DDHD1: variants seen among roughly 807,000 people sequenced by gnomAD.
DDHD1 encodes phospholipase DDHD1.
In DDHD1, 49 loss-of-function variants were observed where a neutral mutation model predicts 96.4. The observed-to-expected ratio is 0.51, with a 90% CI of 0.40 to 0.64. DDHD1 has a LOEUF of 0.64. Among genes scored for constraint, DDHD1 ranks in the 30% least tolerant of loss-of-function variants. The pLI is 0.00. For missense variants in DDHD1, 1,106 were observed against 1,161.2 expected, an observed-to-expected ratio of 0.95 and a Z score of 0.69; for synonymous variants, 442 against 446.5, an observed-to-expected ratio of 0.99 and a Z score of 0.13.
chr14:53,050,538 A>G (rs1283253482), intron 12 of DDHD1, among the ~76,000 whole-genome samples: 1 of 152,068 alleles, frequency 6.6e-6, no homozygotes, highest in East Asian at 1.9e-4. Context: ...GCGGTTCGTC[A>G]CATTCTACCA....
chr14:53,103,572 T>A, intron 2 of DDHD1, 111 bp downstream of exon 2: 1 of 902,600 alleles, frequency 1.1e-6, no homozygotes, highest in South Asian at 2.5e-5. Context: ...AAAATCAAAT[T>A]TTCTAATTCT....
chr14:53,041,768 T>G lies in DDHD1; in HGVS notation c.*5000A>C, dbSNP rs1881669800. On this transcript the variant is annotated 3_prime_UTR_variant, in exon 13 of 13. Transcript: ENST00000673822. ...CTGTCCAGACCTGATAGGGTACTCT[T>G]ATGAGAGTCTGGAAGAAAGAAGGGA... 6.6e-6 allele frequency: 1 copy of G among 152,128 alleles called. No homozygotes were observed. The highest frequency in any genetic ancestry group is 6.6e-5 in the Admixed American group (1 of 15,264). The allele number at this position is 152,128 out of a possible 1,614,324, so 9.4% of individuals were successfully genotyped here.
Position 53,152,703 on chromosome 14 carries a change from GCCC to G in DDHD1, c.393_395del (p.Gly134del). The stretch of plus-strand genomic sequence containing the variant: ...CGGGGGACCCTCCTGTCGCGCCGCC[GCCC>G]CCCGAGTTCGTCGGGACCAGCGGAG... On this transcript the variant is annotated inframe_deletion, in exon 1 of 13. Coordinates refer to ENST00000673822, the MANE Select transcript of DDHD1 (RefSeq NM_001160148.2). 1 of 1,610,670 alleles carries G rather than the reference GCCC, an allele frequency of 6.2e-7. No individual in the cohort carries two copies. Among genetic ancestry groups the G allele is most frequent in the Non-Finnish European group, 8.5e-7 (1 of 1,178,890 alleles).
At chr14:53,126,057 G>T (rs1425171917) in intron 1 of DDHD1, among the ~76,000 whole-genome samples, 1 of 151,952 alleles carries the variant, frequency 6.6e-6, no homozygotes, top group Non-Finnish European at 1.5e-5. Flanking sequence ...CTGAAGATAG[G>T]GTCCAGAAAT....
chr14:53,090,857 A>T (rs976461002), intron 4 of DDHD1, among the ~76,000 whole-genome samples: 2 of 152,114 alleles, frequency 1.3e-5, no homozygotes, highest in African/African-American at 2.4e-5. Flanking sequence ...TGTACCCTAG[A>T]ACTTAAAGTA....
intron 4 of DDHD1, among the ~76,000 whole-genome samples, chr14:53,082,943 T>C (rs1885614130): frequency 6.6e-6 from 1 of 152,036 alleles, no homozygotes; most frequent in Non-Finnish European, 1.5e-5. Context: ...AGCATGCACC[T>C]TTTGTGTGGA....
intron 1 of DDHD1, among the ~76,000 whole-genome samples, chr14:53,132,545 C>T (rs575326718): frequency 5.9e-5 from 9 of 152,240 alleles, no homozygotes; most frequent in Admixed American, 1.3e-4. Context: ...CTCAGCAAGC[C>T]GAACTCACTG....
chr14:53,138,431 A>G (rs1330679786), intron 1 of DDHD1, among the ~76,000 whole-genome samples: 1 of 152,220 alleles, frequency 6.6e-6, no homozygotes, highest in African/African-American at 2.4e-5. Context: ...TCTGTCTCAA[A>G]AAAGAAAAAA....
intron 3 of DDHD1, chr14:53,092,830 C>T (rs1209470640): frequency 6.6e-6 from 1 of 152,516 alleles, no homozygotes; most frequent in Non-Finnish European, 1.5e-5. Context: ...GCCTGGGAGA[C>T]AGAGTGAGAC....
chr14:53,139,828 A>G (rs909010335), intron 1 of DDHD1, among the ~76,000 whole-genome samples: 27 of 141,642 alleles, frequency 1.9e-4, no homozygotes, highest in African/African-American at 7.2e-4. Flanking sequence ...AAACCAACAC[A>G]CTGCCAAGAG....
At chr14:53,066,075 A>G (rs1049285407) in intron 6 of DDHD1, among the ~76,000 whole-genome samples, 1 of 152,194 alleles carries the variant, frequency 6.6e-6, no homozygotes, top group African/African-American at 2.4e-5. Context: ...ATCCCATTTT[A>G]TAAGTGGGGA....
At position 53,045,871 on chromosome 14, in the gene DDHD1, T is replaced by C. The variant is rs1881971599; in HGVS notation, c.*897A>G. 1 of 152,242 alleles carries C rather than the reference T, an allele frequency of 6.6e-6. No homozygotes were observed. The highest frequency in any genetic ancestry group is 1.5e-5 in the Non-Finnish European group (1 of 68,044). The allele number at this position is 152,242 out of a possible 1,614,324, so 9.4% of individuals were successfully genotyped here. A position where few individuals can be genotyped will look rare whatever the true frequency, so the allele number is the denominator to read the frequency against. ...GTTTATACATTTAAAATAGCTGTCA[T>C]ACTACCTATTCAAAAGCATTTACTA... On this transcript the variant is annotated 3_prime_UTR_variant, in exon 13 of 13. Transcript: ENST00000673822.
intron 4 of DDHD1, among the ~76,000 whole-genome samples, chr14:53,079,796 GATGA>G (rs756368377): frequency 2.0e-5 from 3 of 152,120 alleles, no homozygotes; most frequent in Non-Finnish European, 2.9e-5. Flanking sequence ...ATCTCTTACT[GATGA>G]ATATTTGAGT....
At chr14:53,089,880 A>G (rs1402816729) in intron 4 of DDHD1, among the ~76,000 whole-genome samples, 1 of 152,222 alleles carries the variant, frequency 6.6e-6, no homozygotes, top group Non-Finnish European at 1.5e-5. Context: ...AAAGGGATCT[A>G]ATTAAACTAA....
At chr14:53,059,032 A>G (rs1883306018) in intron 8 of DDHD1, among the ~76,000 whole-genome samples, 1 of 152,192 alleles carries the variant, frequency 6.6e-6, no homozygotes, top group South Asian at 2.1e-4. Flanking sequence ...ATACGTGCAT[A>G]ACAGAGGGAA....
At chr14:53,120,111 CAAAATCAATGTGCA>C (rs1367208703) in intron 1 of DDHD1, among the ~76,000 whole-genome samples, 1 of 152,184 alleles carries the variant, frequency 6.6e-6, no homozygotes, top group Non-Finnish European at 1.5e-5. Flanking sequence ...TCTCAGGACA[CAAAATCAATGTGCA>C]AAAATCACAA....
In DDHD1 at chr14:53,073,790, A is replaced by G; in HGVS notation, c.1347T>C (p.His449=). 1 of 1,610,942 alleles carries G rather than the reference A, an allele frequency of 6.2e-7. No homozygotes were observed. The highest frequency in any genetic ancestry group is 8.5e-7 in the Non-Finnish European group (1 of 1,177,976). ...GCCACTCAACAGGCAGAAATTCAAC[A>G]TGTGTTGCATGGTTGGAAAAATGCC... is the stretch of plus-strand genomic sequence containing the variant. The part of the protein sequence containing the change: ...EERHFSNHAT[H]VEFLPVEWRS... The change falls in exon 5 of 13, where the codon CAT becomes CAC. Residue 449 remains histidine, a synonymous_variant. Transcript: ENST00000673822.
chr14:53,057,020 TATC>T (rs1339675514), intron 9 of DDHD1, among the ~76,000 whole-genome samples: 1 of 152,192 alleles, frequency 6.6e-6, no homozygotes, highest in Admixed American at 6.5e-5. Context: ...GGCAAAATAT[TATC>T]ATCTACATCA....
chr14:53,128,614 G>A (rs1174726891), intron 1 of DDHD1, among the ~76,000 whole-genome samples: 2 of 152,172 alleles, frequency 1.3e-5, no homozygotes, highest in African/African-American at 4.8e-5. Context: ...GTCCACTGTA[G>A]GAGCATAAGA....
Sources: allele counts gnomAD v4.1 joint callset (sites outside exome capture counted in the v4.1 genomes callset), GRCh38; gene constraint gnomAD v4.1.1; transcripts MANE v1.5; gene names NCBI Gene and HGNC (gene_info 2026-07-23, HGNC 2026-07-21).